Variants in HK1 observed in about 807,000 individuals in gnomAD.
The protein encoded by HK1 is hexokinase-1.
A neutral mutation model predicts 91.6 loss-of-function variants in HK1; 28 were observed. The observed-to-expected ratio is 0.31, with a 90% CI of 0.23 to 0.42. HK1 has a LOEUF of 0.42. Among genes scored for constraint, HK1 ranks in the 10% least tolerant of loss-of-function variants. The pLI, the probability that HK1 is intolerant of heterozygous loss-of-function variation, is 1.00. For synonymous variants in HK1, 430 were observed against 468.1 expected (o/e 0.92, Z 1.05); for missense variants, 770 against 1,219.8 (o/e 0.63, Z 5.49).
chr10:69,344,135 T>C, intron 2 of HK1, 146 bp downstream of exon 2: 1 of 807,660 alleles, frequency 1.2e-6, no homozygotes, highest in Non-Finnish European at 2.1e-6. Flanking sequence ...ATCCATCCGC[T>C]GATCCATCTG....
intron 2 of HK1, among the ~76,000 whole-genome samples, chr10:69,348,028 C>T (rs1241605264): frequency 6.6e-6 from 1 of 152,184 alleles, no homozygotes; most frequent in Non-Finnish European, 1.5e-5. Flanking sequence ...CAGCCTCCCC[C>T]ATTCGCGAAG....
intron 13 of HK1, 73 bp from the exon 14 acceptor site, chr10:69,389,124 C>T (rs977412662): frequency 5.2e-6 from 6 of 1,161,682 alleles, no homozygotes; most frequent in Middle Eastern, 2.5e-4. Flanking sequence ...TGCAGTGCAA[C>T]AGACAGAACC....
At chr10:69,309,046 T>C (rs572444543) in intron 5 of HK1, among the ~76,000 whole-genome samples, 26 of 152,328 alleles carry the variant, frequency 1.7e-4, no homozygotes, top group African/African-American at 6.0e-4. Context: ...TGGTGGCTCA[T>C]GACTGCTAAT....
At chr10:69,375,832 T>A (rs887253442) in intron 7 of HK1, among the ~76,000 whole-genome samples, 2 of 152,178 alleles carry the variant, frequency 1.3e-5, no homozygotes, top group African/African-American at 4.8e-5. Flanking sequence ...TCTTGCCAGC[T>A]CCCGGCTGGG....
chr10:69,295,206 C>T (rs1304828687), intron 3 of HK1, among the ~76,000 whole-genome samples: 3 of 152,132 alleles, frequency 2.0e-5, no homozygotes, highest in Non-Finnish European at 4.4e-5. Flanking sequence ...GCGGGGCCTG[C>T]GGTTCAGTAG....
At chr10:69,359,088 G>C (rs964087337) in intron 2 of HK1, among the ~76,000 whole-genome samples, 1 of 151,978 alleles carries the variant, frequency 6.6e-6, no homozygotes, top group Non-Finnish European at 1.5e-5. Context: ...TGAAAATATG[G>C]ATGAACCTTG....
intron 1 of HK1, among the ~76,000 whole-genome samples, chr10:69,276,755 A>G (rs1844498174): frequency 6.7e-6 from 1 of 149,914 alleles, no homozygotes; most frequent in South Asian, 2.1e-4. Flanking sequence ...CAAATCATTC[A>G]ATCATTTAAT....
chr10:69,301,590 A>C (rs1312037502), intron 5 of HK1, among the ~76,000 whole-genome samples: 1 of 151,280 alleles, frequency 6.6e-6, no homozygotes, highest in East Asian at 1.9e-4. Flanking sequence ...AAAAAAAAAA[A>C]AAAAAGAAAA....
intron 7 of HK1, among the ~76,000 whole-genome samples, chr10:69,371,605 G>T (rs969878781): frequency 6.6e-6 from 1 of 152,208 alleles, no homozygotes; most frequent in African/African-American, 2.4e-5. Context: ...TCTTAGAAGT[G>T]CAGGTGGGGC....
chr10:69,285,963 T>C (rs1322225096), intron 2 of HK1, among the ~76,000 whole-genome samples: 1 of 152,188 alleles, frequency 6.6e-6, no homozygotes, highest in Non-Finnish European at 1.5e-5. Flanking sequence ...AAGGAGGTGA[T>C]AGCATAATCT....
At chr10:69,363,912 C>A (rs891706911) in intron 3 of HK1, among the ~76,000 whole-genome samples, 1 of 152,182 alleles carries the variant, frequency 6.6e-6, no homozygotes, top group Non-Finnish European at 1.5e-5. Context: ...TATATTCATA[C>A]CAAGGAATAC....
chr10:69,391,368 C>T (rs889894914), intron 14 of HK1, among the ~76,000 whole-genome samples: 2 of 152,228 alleles, frequency 1.3e-5, no homozygotes, highest in African/African-American at 4.8e-5. Context: ...TGGGGCTGGG[C>T]GTGGTGCCCA....
chr10:69,311,925 G>A (rs1163797736), upstream of HK1, among the ~76,000 whole-genome samples: 3 of 151,972 alleles, frequency 2.0e-5, no homozygotes, highest in Non-Finnish European at 4.4e-5. Flanking sequence ...GTGAGCCACC[G>A]CGCTCGGCCC....
At chr10:69,279,649 C>T (rs932215434) in intron 1 of HK1, among the ~76,000 whole-genome samples, 2 of 152,154 alleles carry the variant, frequency 1.3e-5, no homozygotes, top group Admixed American at 6.5e-5. Flanking sequence ...CCATAACAAG[C>T]AATGATAGTT....
In HK1 at chr10:69,377,025, C is replaced by T. The variant is rs770084986; in HGVS notation, c.967C>T (p.Arg323Trp). The T allele has an allele frequency of 1.2e-5, 20 of 1,614,096 alleles. No individual in the cohort carries two copies. Among genetic ancestry groups the T allele is most frequent in the Admixed American group, 6.7e-5 (4 of 60,008 alleles). ...MAKEGLLFEG[R>W]ITPELLTRGK... ...CAAGGAGGGCCTCTTATTTGAAGGG[C>T]GGATCACCCCGGAGCTGCTCACCCG... Residue 323 changes from arginine (R) to tryptophan (W), a missense_variant, in exon 8 of 18, where the codon CGG (arginine) becomes TGG (tryptophan). Arg to Trp is a moderately radical substitution (Grantham distance 101). Coordinates refer to ENST00000359426, the MANE Select transcript of HK1 (RefSeq NM_000188.3).
intron 1 of HK1, among the ~76,000 whole-genome samples, chr10:69,272,020 T>G (rs1004724560): frequency 2.0e-5 from 3 of 152,076 alleles, no homozygotes; most frequent in African/African-American, 7.2e-5. Flanking sequence ...CCTGCCACCA[T>G]GGCCAGCTAA....
chr10:69,388,806 C>A (rs1839765676), intron 13 of HK1, among the ~76,000 whole-genome samples: 1 of 152,194 alleles, frequency 6.6e-6, no homozygotes, highest in African/African-American at 2.4e-5. Flanking sequence ...TGTGCACCTG[C>A]AGACTATTTC....
In HK1 at chr10:69,332,382, T is replaced by G. The variant is rs147458825; in HGVS notation, c.64-11445T>G. On this transcript the variant is annotated intron_variant, in intron 1 of 17. Coordinates refer to ENST00000359426, the MANE Select transcript of HK1 (RefSeq NM_000188.3). ...TTTTCTTTCTTTCTTTCTTTCTTTCTTTTTTTCTTTTTTTGAGACAGACTC... is the reference window on the plus strand; with the variant it reads ...TTTTCTTTCTTTCTTTCTTTCTTTCGTTTTTTCTTTTTTTGAGACAGACTC... Among the ~76,000 whole-genome samples, 341 of 146,932 alleles carry G rather than the reference T, an allele frequency of 2.3e-3. 5 individuals are homozygous for G. The highest frequency in any genetic ancestry group is 8.1e-3 in the African/African-American group (329 of 40,592).
At chr10:69,398,480 CTCTG>C (rs1162017522) in intron 16 of HK1, 111 bp from the exon 17 acceptor site, 1 of 784,032 alleles carries the variant, frequency 1.3e-6, no homozygotes, top group African/African-American at 1.7e-5. Flanking sequence ...TTGCCCTTGA[CTCTG>C]TCTGTGGATG....
Sources: gnomAD v4.1 joint callset for allele counts (sites outside exome capture counted in the v4.1 genomes callset) on GRCh38, gnomAD v4.1.1 for gene constraint, MANE v1.5 for transcripts, NCBI Gene and HGNC (gene_info 2026-07-23, HGNC 2026-07-21) for gene names.